The following TBC1D22A variants were observed in gnomAD, a reference collection of about 807,000 sequenced individuals.
The protein encoded by TBC1D22A is TBC1 domain family member 22A.
A neutral mutation model predicts 60.2 loss-of-function variants in TBC1D22A; 38 were observed. The observed-to-expected ratio is 0.63, with a 90% CI of 0.49 to 0.83. The LOEUF is 0.83. Ranked by LOEUF, TBC1D22A falls within the 40% of genes least tolerant of loss-of-function variation. The probability of loss-of-function intolerance (pLI) is 0.00; values close to 1 mark genes in which losing one functional copy is unlikely to be tolerated. For missense variants in TBC1D22A, 628 were observed against 701.0 expected (o/e 0.90, Z 1.18); for synonymous variants, 302 against 281.7 (o/e 1.07, Z -0.72).
At chr22:47,017,266 C>T (rs541029259) in intron 10 of TBC1D22A, among the ~76,000 whole-genome samples, 4 of 152,220 alleles carry the variant, frequency 2.6e-5, no homozygotes, top group South Asian at 2.1e-4. Flanking sequence ...GTCACATGGG[C>T]GCATGGGAGG....
At chr22:46,898,046 C>G (rs2068779388) in intron 7 of TBC1D22A, among the ~76,000 whole-genome samples, 1 of 152,156 alleles carries the variant, frequency 6.6e-6, no homozygotes, top group Admixed American at 6.5e-5. Context: ...GCCTATCATA[C>G]CTGGAAAATG....
chr22:47,173,069 G>A (rs1028099706), intron 12 of TBC1D22A, among the ~76,000 whole-genome samples: 3 of 152,246 alleles, frequency 2.0e-5, no homozygotes, highest in Non-Finnish European at 4.4e-5. Context: ...CTGGGCGGAG[G>A]CTGCAAAGCT....
At chr22:46,920,873 C>T (rs143380251) in intron 8 of TBC1D22A, among the ~76,000 whole-genome samples, 5,353 of 151,590 alleles carry the variant, frequency 0.035, 138 homozygotes, top group Middle Eastern at 0.072. Context: ...TGGGTTCAAG[C>T]GATTCTCCTG....
intron 10 of TBC1D22A, among the ~76,000 whole-genome samples, chr22:47,006,143 G>GA (rs1371613986): frequency 6.6e-6 from 1 of 152,218 alleles, no homozygotes; most frequent in Non-Finnish European, 1.5e-5. Context: ...TATTCTTGGG[G>GA]AATGTGTTGT....
intron 11 of TBC1D22A, among the ~76,000 whole-genome samples, chr22:47,110,063 C>T (rs757645597): frequency 5.3e-5 from 8 of 152,200 alleles, no homozygotes; most frequent in Non-Finnish European, 1.0e-4. Context: ...TGCCTCTGCT[C>T]GCCTCGTTCT....
At chr22:46,956,588 C>T (rs983779438) in intron 8 of TBC1D22A, among the ~76,000 whole-genome samples, 1 of 152,156 alleles carries the variant, frequency 6.6e-6, no homozygotes, top group Non-Finnish European at 1.5e-5. Flanking sequence ...CTGGTCAGCT[C>T]TGAGTTGAAG....
At chr22:46,930,622 A>ATTTTT (rs367772036) in intron 8 of TBC1D22A, among the ~76,000 whole-genome samples, 1 of 143,510 alleles carries the variant, frequency 7.0e-6, no homozygotes, top group Non-Finnish European at 1.5e-5. Context: ...CGCCTGGCTA[A>ATTTTT]TTTTTTTTTT....
intron 11 of TBC1D22A, among the ~76,000 whole-genome samples, chr22:47,061,185 G>A (rs532869479): frequency 7.8e-4 from 119 of 151,724 alleles, no homozygotes; most frequent in African/African-American, 2.8e-3. Flanking sequence ...GAAAGGTTGA[G>A]CCACGCTGTC....
At position 46,813,041 on chromosome 22, in the gene TBC1D22A, C is replaced by T. The variant is rs140237514; in HGVS notation, c.637+15421C>T. The stretch of plus-strand genomic sequence containing the variant: ...CTTGGTCCGCTCTTTGTCTCCCAGG[C>T]GGCTCCGCAGGTCTTTCTGTATGCA... On this transcript the variant is annotated intron_variant, in intron 4 of 12. Transcript: ENST00000337137. Among the ~76,000 whole-genome samples the T allele has an allele frequency of 4.6e-5, 7 of 152,314 alleles. No individual in the cohort carries two copies. The East Asian group carries it at 5.8e-4, about 13-fold the overall frequency.
At chr22:47,112,018 C>A (rs1758731241) in intron 12 of TBC1D22A, among the ~76,000 whole-genome samples, 2 of 152,224 alleles carry the variant, frequency 1.3e-5, no homozygotes, top group African/African-American at 2.4e-5. Flanking sequence ...TCCAGCCAGG[C>A]CACTGGAAGC....
At chr22:47,045,938 C>T (rs886678035) in intron 11 of TBC1D22A, among the ~76,000 whole-genome samples, 3 of 152,170 alleles carry the variant, frequency 2.0e-5, no homozygotes, top group Admixed American at 6.5e-5. Context: ...CCCCAGCATC[C>T]GATTTTTGGA....
intron 1 of TBC1D22A, among the ~76,000 whole-genome samples, chr22:46,771,353 A>G (rs1345447135): frequency 6.6e-6 from 1 of 151,902 alleles, no homozygotes. Flanking sequence ...TTTTATTTCT[A>G]TAGATTACTG....
intron 4 of TBC1D22A, among the ~76,000 whole-genome samples, chr22:46,853,344 A>G (rs1337092528): frequency 1.3e-5 from 2 of 152,212 alleles, no homozygotes; most frequent in African/African-American, 2.4e-5. Flanking sequence ...AGAGGCATGA[A>G]GCCGCCTCCT....
At chr22:46,793,981 T>C (rs1051177143) in intron 3 of TBC1D22A, 140 bp downstream of exon 3, 2 of 838,832 alleles carry the variant, frequency 2.4e-6, no homozygotes, top group East Asian at 2.7e-5. Context: ...GCCCTTATGG[T>C]TCTCTTCCAA....
chr22:46,874,087 G>C (rs1438514022), intron 4 of TBC1D22A, among the ~76,000 whole-genome samples: 2 of 152,214 alleles, frequency 1.3e-5, no homozygotes, highest in African/African-American at 4.8e-5. Flanking sequence ...TGGGATTACA[G>C]GCGTGAGCCA....
intron 12 of TBC1D22A, among the ~76,000 whole-genome samples, chr22:47,114,056 G>A (rs770865261): frequency 7.2e-5 from 11 of 152,194 alleles, no homozygotes; most frequent in Non-Finnish European, 1.6e-4. Flanking sequence ...TCACCCTGCC[G>A]CAGCTCATTG....
intron 11 of TBC1D22A, among the ~76,000 whole-genome samples, chr22:47,088,290 G>A (rs2064781847): frequency 6.6e-6 from 1 of 152,076 alleles, no homozygotes; most frequent in Admixed American, 6.5e-5. Context: ...AATGTTTGAT[G>A]CCAGAAAATG....
intron 4 of TBC1D22A, among the ~76,000 whole-genome samples, chr22:46,869,819 A>T (rs1329334994): frequency 6.6e-6 from 1 of 152,244 alleles, no homozygotes; most frequent in East Asian, 1.9e-4. Flanking sequence ...AATCTTAAGA[A>T]AAAAAGACGC....
chr22:46,925,387 G>T (rs1569518), intron 8 of TBC1D22A, among the ~76,000 whole-genome samples: 118,894 of 152,258 alleles, frequency 0.78, 46,632 homozygotes, highest in Middle Eastern at 0.85. Flanking sequence ...AAGTGGAGGT[G>T]GCTGGCTTTG....
Sources: allele counts gnomAD v4.1 joint callset (sites outside exome capture counted in the v4.1 genomes callset), GRCh38; gene constraint gnomAD v4.1.1; transcripts MANE v1.5; gene names NCBI Gene and HGNC (gene_info 2026-07-23, HGNC 2026-07-21).